The following SCFD2 variants were observed in gnomAD, a reference collection of about 807,000 sequenced individuals.
SCFD2 encodes sec1 family domain-containing protein 2.
SCFD2 carries 54 observed loss-of-function variants against 58.9 expected under a neutral mutation model. The ratio of observed to expected loss-of-function variants is 0.92; its 90% CI spans 0.74 to 1.15. The LOEUF (loss-of-function observed/expected upper bound fraction) is 1.15, where lower values mean the gene tolerates loss of function less well. Among genes scored for constraint, SCFD2 ranks in the 50% most tolerant of loss-of-function variants. The pLI, the probability that SCFD2 is intolerant of heterozygous loss-of-function variation, is 0.00. For synonymous variants in SCFD2, 321 were observed against 335.9 expected (o/e 0.96, Z 0.49); for missense variants, 805 against 836.6 (o/e 0.96, Z 0.47).
intron 7 of SCFD2, among the ~76,000 whole-genome samples, chr4:52,892,594 G>A (rs956705974): frequency 2.6e-5 from 4 of 151,994 alleles, no homozygotes; most frequent in African/African-American, 9.7e-5. Flanking sequence ...CATTACTTTG[G>A]AGTTCCTAAC....
At chr4:53,009,952 G>T (rs1428281629) in intron 5 of SCFD2, among the ~76,000 whole-genome samples, 2 of 152,072 alleles carry the variant, frequency 1.3e-5, no homozygotes, top group Non-Finnish European at 2.9e-5. Context: ...TGGCCTACCG[G>T]AGCTCTGTGC....
intron 4 of SCFD2, among the ~76,000 whole-genome samples, chr4:53,175,525 G>A (rs1727302608): frequency 6.6e-6 from 1 of 152,044 alleles, no homozygotes; most frequent in Non-Finnish European, 1.5e-5. Context: ...GTTCCTAATT[G>A]AAAATTGAAA....
intron 1 of SCFD2, among the ~76,000 whole-genome samples, chr4:53,359,500 A>G: frequency 6.6e-6 from 1 of 152,212 alleles, no homozygotes; most frequent in Non-Finnish European, 1.5e-5. Context: ...CCAAGTCAGG[A>G]GGATTGCTTG....
chr4:53,119,830 T>C (rs1469912497), intron 5 of SCFD2, among the ~76,000 whole-genome samples: 1 of 152,192 alleles, frequency 6.6e-6, no homozygotes, highest in African/African-American at 2.4e-5. Flanking sequence ...ATTCCAATGC[T>C]GGCCTCTCAC....
At chr4:53,352,549 G>C (rs372356179) in intron 2 of SCFD2, 49 bp downstream of exon 2, 40 of 1,476,226 alleles carry the variant, frequency 2.7e-5, no homozygotes, top group Admixed American at 2.0e-4. Flanking sequence ...AGGAGAAAAA[G>C]AAAGGGGAAG....
chr4:53,002,580 G>C (rs1395904829), intron 5 of SCFD2, among the ~76,000 whole-genome samples: 1 of 152,076 alleles, frequency 6.6e-6, no homozygotes, highest in East Asian at 1.9e-4. Flanking sequence ...AACATTTCTT[G>C]AGCCCCTCCT....
chr4:53,208,460 T>C (rs1199791675), intron 4 of SCFD2, among the ~76,000 whole-genome samples: 1 of 152,212 alleles, frequency 6.6e-6, no homozygotes, highest in Non-Finnish European at 1.5e-5. Context: ...CAGAACAATC[T>C]GTGACAATGT....
intron 5 of SCFD2, among the ~76,000 whole-genome samples, chr4:53,037,834 A>T (rs1722803314): frequency 6.6e-6 from 1 of 152,108 alleles, no homozygotes; most frequent in Non-Finnish European, 1.5e-5. Flanking sequence ...TATTTATGAG[A>T]CCTGAGAACT....
At chr4:53,324,294 T>C (rs1733112069) in intron 2 of SCFD2, among the ~76,000 whole-genome samples, 1 of 151,892 alleles carries the variant, frequency 6.6e-6, no homozygotes, top group East Asian at 1.9e-4. Flanking sequence ...AGCACACACA[T>C]GTAGTCCTAG....
chr4:53,269,202 G>C (rs1196921729), intron 4 of SCFD2, among the ~76,000 whole-genome samples: 1 of 152,160 alleles, frequency 6.6e-6, no homozygotes, highest in Non-Finnish European at 1.5e-5. Context: ...GTGCATTCCT[G>C]TAGTCCCAGC....
intron 4 of SCFD2, among the ~76,000 whole-genome samples, chr4:53,181,024 C>T (rs1294406433): frequency 6.6e-6 from 1 of 152,046 alleles, no homozygotes; most frequent in African/African-American, 2.4e-5. Context: ...AGCTTACCAG[C>T]CAAAAAAAGT....
intron 5 of SCFD2, among the ~76,000 whole-genome samples, chr4:53,105,291 G>GT (rs1317251570): frequency 6.6e-6 from 1 of 151,798 alleles, no homozygotes; most frequent in Non-Finnish European, 1.5e-5. Flanking sequence ...AGCTTTAGGA[G>GT]TTTTTTTTCA....
At chr4:52,875,136 C>T (rs558722930) in intron 8 of SCFD2, among the ~76,000 whole-genome samples, 1 of 152,324 alleles carries the variant, frequency 6.6e-6, no homozygotes, top group Non-Finnish European at 1.5e-5. Context: ...CCAGCGCAGA[C>T]AGGCTGGCCC....
At chr4:53,294,453 T>G (rs1380216375) in intron 3 of SCFD2, among the ~76,000 whole-genome samples, 3 of 152,250 alleles carry the variant, frequency 2.0e-5, no homozygotes, top group Non-Finnish European at 4.4e-5. Flanking sequence ...TTGAGAAGTG[T>G]CTGTTCATAT....
At chr4:53,196,089 C>T (rs1006058045) in intron 4 of SCFD2, among the ~76,000 whole-genome samples, 2 of 152,030 alleles carry the variant, frequency 1.3e-5, no homozygotes, top group Non-Finnish European at 2.9e-5. Context: ...AAACTGATGT[C>T]CAGATTCCAT....
intron 3 of SCFD2, among the ~76,000 whole-genome samples, chr4:53,307,419 T>C (rs1211033239): frequency 6.6e-6 from 1 of 152,208 alleles, no homozygotes; most frequent in Non-Finnish European, 1.5e-5. Flanking sequence ...CAATCCCTAG[T>C]TGTTTGACTC....
chr4:52,946,146 A>G (rs983289460), intron 5 of SCFD2, among the ~76,000 whole-genome samples: 7 of 152,190 alleles, frequency 4.6e-5, no homozygotes, highest in Non-Finnish European at 1.0e-4. Context: ...GTGTCTAATG[A>G]ATCTCTTGGC....
intron 4 of SCFD2, among the ~76,000 whole-genome samples, chr4:53,255,187 T>TTTTC (rs1393827620): frequency 2.1e-5 from 3 of 144,958 alleles, no homozygotes; most frequent in African/African-American, 7.8e-5. Flanking sequence ...TCCTATTCTT[T>TTTTC]TTTTTTCTTT....
At chr4:53,228,710 C>G (rs952484091) in intron 4 of SCFD2, among the ~76,000 whole-genome samples, 21 of 152,104 alleles carry the variant, frequency 1.4e-4, no homozygotes, top group African/African-American at 4.6e-4. Context: ...AAAACTGGCA[C>G]AAGACAGGGA....
Sources: gnomAD v4.1 joint callset for allele counts (sites outside exome capture counted in the v4.1 genomes callset) on GRCh38, gnomAD v4.1.1 for gene constraint, MANE v1.5 for transcripts, NCBI Gene and HGNC (gene_info 2026-07-23, HGNC 2026-07-21) for gene names.